The following LRRCC1 variants were observed in gnomAD, a reference collection of about 807,000 sequenced individuals.
LRRCC1 encodes the protein leucine rich repeat and coiled-coil centrosomal protein 1, also known as leucine-rich repeat and coiled-coil domain-containing protein 1.
A neutral mutation model predicts 126.0 loss-of-function variants in LRRCC1; 115 were observed. The ratio of observed to expected loss-of-function variants is 0.91; its 90% CI spans 0.78 to 1.07. LRRCC1 has a LOEUF of 1.07. LRRCC1 is among the 50% of genes least tolerant of loss of function. LRRCC1 has a pLI of 0.00. For missense variants in LRRCC1, 1,172 were observed against 1,175.7 expected (o/e 1.00, Z 0.05); for synonymous variants, 400 against 393.4 (o/e 1.02, Z -0.20).
chr8:85,139,414 A>G lies in LRRCC1; in HGVS notation c.2840+939A>G, dbSNP rs904074776. On this transcript the variant is annotated intron_variant, in intron 17 of 18. Transcript: ENST00000360375. ...CGAGTAGCTGGGATTACAGGCATGC[A>G]CCACAACGCCCAGCTAATTTTTTGT... 7.2e-5 allele frequency among the ~76,000 whole-genome samples: 11 copies of G among 152,046 alleles called. No individual in the cohort carries two copies. In the South Asian group the frequency reaches 1.9e-3, roughly 26 times the overall value.
chr8:85,125,496 A>G (rs1587404264), intron 8 of LRRCC1, among the ~76,000 whole-genome samples: 1 of 148,358 alleles, frequency 6.7e-6, no homozygotes, highest in Non-Finnish European at 1.5e-5. Context: ...AAATGGTGAA[A>G]CCCCGTCTCT....
At chr8:85,118,364 A>G (rs1809274972) in intron 6 of LRRCC1, among the ~76,000 whole-genome samples, 1 of 152,074 alleles carries the variant, frequency 6.6e-6, no homozygotes, top group African/African-American at 2.4e-5. Context: ...TTTTGTAAAC[A>G]TGTATCTTTG....
intron 17 of LRRCC1, among the ~76,000 whole-genome samples, chr8:85,139,166 G>A (rs1431640368): frequency 2.0e-5 from 3 of 152,228 alleles, no homozygotes; most frequent in African/African-American, 7.2e-5. Context: ...GGAATTTAGA[G>A]GAGACTGCCA....
chr8:85,123,965 A>G (rs1295921500), intron 7 of LRRCC1, among the ~76,000 whole-genome samples: 1 of 152,166 alleles, frequency 6.6e-6, no homozygotes, highest in African/African-American at 2.4e-5. Context: ...ATTCCACTGC[A>G]TTCATTTACA....
chr8:85,109,574 A>G (rs1587360066), intron 1 of LRRCC1, 21 bp from the exon 2 acceptor site: 1 of 1,363,714 alleles, frequency 7.3e-7, no homozygotes, highest in Non-Finnish European at 1.0e-6. Context: ...CTATTTTTAT[A>G]GTATATATTT....
intron 18 of LRRCC1, among the ~76,000 whole-genome samples, chr8:85,142,908 C>G (rs554041290): frequency 6.6e-6 from 1 of 151,754 alleles, no homozygotes; most frequent in African/African-American, 2.4e-5. Context: ...CCTCAGGACT[C>G]TGTGCAAAGA....
chr8:85,130,633 T>C (rs542577571), intron 11 of LRRCC1, among the ~76,000 whole-genome samples: 2 of 152,318 alleles, frequency 1.3e-5, no homozygotes, highest in African/African-American at 4.8e-5. Flanking sequence ...AGCTTATTGT[T>C]CATTTCTTCA....
intron 1 of LRRCC1, chr8:85,108,975 G>T (rs1234040143): frequency 6.6e-6 from 1 of 152,200 alleles, no homozygotes; most frequent in East Asian, 1.9e-4. Context: ...AATAGGAATT[G>T]CAATAACATG....
At position 85,145,658 on chromosome 8, in the gene LRRCC1, AGT is replaced by A. The variant is rs1441825014; in HGVS notation, c.*148_*149del. On this transcript the variant is annotated 3_prime_UTR_variant, in exon 19 of 19. Transcript: ENST00000360375. ...ATATATTTTTAAAGACTTTTGATCAAGTATTTATTAATTGTATAGGTTTTTTA... is the reference window on the plus strand; with the variant it reads ...ATATATTTTTAAAGACTTTTGATCAAATTTATTAATTGTATAGGTTTTTTA... The A allele has an allele frequency of 2.4e-3, 1,279 of 531,728 alleles. 14 individuals carry two copies. The highest frequency in any genetic ancestry group is 1.3e-4 in the Non-Finnish European group (48 of 358,666). The allele number at this position is 531,728 out of a possible 1,614,324, so 32.9% of individuals were successfully genotyped here.
rs532734138 is a variant in LRRCC1 at position 85,143,353 on chromosome 8, G to A, written c.2976+1836G>A. Among the ~76,000 whole-genome samples, 141 of 152,034 alleles carry A rather than the reference G, an allele frequency of 9.3e-4. 1 individual carries two copies. Among genetic ancestry groups the A allele is most frequent in the Middle Eastern group, 6.8e-3 (2 of 294 alleles). On this transcript the variant is annotated intron_variant, in intron 18 of 18. Transcript: ENST00000360375. Reference sequence around the variant, plus strand: ...AAAAAAGGCTACCAAATTTAGGCTGGGCATGGAGGCTTACACCTGTAATCC... The same window carrying A: ...AAAAAAGGCTACCAAATTTAGGCTGAGCATGGAGGCTTACACCTGTAATCC...
chr8:85,135,677 A>G (rs1810801272), intron 13 of LRRCC1, 112 bp from the exon 14 acceptor site: 3 of 656,252 alleles, frequency 4.6e-6, no homozygotes, highest in Non-Finnish European at 6.6e-6. Flanking sequence ...AAAATTTGGT[A>G]ATATTTACTT....
intron 1 of LRRCC1, among the ~76,000 whole-genome samples, chr8:85,108,470 G>A (rs1808438739): frequency 6.6e-6 from 1 of 152,092 alleles, no homozygotes; most frequent in South Asian, 2.1e-4. Flanking sequence ...AATTAAGTTC[G>A]GATTCAAACC....
In LRRCC1 at chr8:85,134,965, T is replaced by A. The variant is rs1810746074; in HGVS notation, c.2087T>A (p.Val696Glu). ...TTAATTAAAGATCTGACCTGTATGGTAAAGGAACAAAAAACAAAACTGGCA... is the reference window on the plus strand; with the variant it reads ...TTAATTAAAGATCTGACCTGTATGGAAAAGGAACAAAAAACAAAACTGGCA... ...SSLIKDLTCM[V>E]KEQKTKLAEV... The change falls in exon 13 of 19, where the codon GTA (valine) becomes GAA (glutamate). Residue 696 changes from valine (V) to glutamate (E), a missense_variant. Transcript: ENST00000360375. 1 of 1,569,098 alleles carries A rather than the reference T, an allele frequency of 6.4e-7. No homozygotes were observed.
At chr8:85,109,418 G>T (rs1808516144) in intron 1 of LRRCC1, 177 bp from the exon 2 acceptor site, 3 of 569,052 alleles carry the variant, frequency 5.3e-6, no homozygotes, top group Non-Finnish European at 9.3e-6. Flanking sequence ...AAAATACTTG[G>T]TTGTGTTGTA....
chr8:85,141,350 CAT>C, intron 17 of LRRCC1, 30 bp from the exon 18 acceptor site: 1 of 1,562,178 alleles, frequency 6.4e-7, no homozygotes, highest in Non-Finnish European at 8.8e-7. Context: ...CACATATACA[CAT>C]ATATATGTGG....
At chr8:85,108,986 G>A (rs1346045049) in intron 1 of LRRCC1, 1 of 152,230 alleles carries the variant, frequency 6.6e-6, no homozygotes, top group African/African-American at 2.4e-5. Context: ...CAATAACATG[G>A]TTTGTTTTTG....
At position 85,145,450 on chromosome 8, in the gene LRRCC1, C is replaced by T. The variant is rs770802831; in HGVS notation, c.3038C>T (p.Thr1013Ile). The T allele has an allele frequency of 5.7e-6, 9 of 1,581,790 alleles. No homozygotes were observed. In the Admixed American group the frequency reaches 9.3e-5, roughly 16 times the overall value. Residue 1013 changes from threonine (T) to isoleucine (I), a missense_variant, in exon 19 of 19, where the codon ACA becomes ATA. Transcript: ENST00000360375. ...LLEETCKNKK[T>I]MEAKIKQLAF... ...GAAGAAACATGCAAGAACAAAAAAA[C>T]AATGGAAGCAAAAATTAAGCAACTT...
At chr8:85,109,849 G>C (rs1463343324) in intron 2 of LRRCC1, 49 bp downstream of exon 2, 4 of 998,750 alleles carry the variant, frequency 4.0e-6, no homozygotes, top group Non-Finnish European at 5.8e-6. Context: ...AAATGATTTA[G>C]GTCCATTTTT....
intron 6 of LRRCC1, among the ~76,000 whole-genome samples, chr8:85,117,789 C>G (rs1809237001): frequency 6.6e-6 from 1 of 152,134 alleles, no homozygotes; most frequent in Non-Finnish European, 1.5e-5. Flanking sequence ...TGTCATGTAG[C>G]TATCTATTCG....
Sources: gnomAD v4.1 joint callset for allele counts (sites outside exome capture counted in the v4.1 genomes callset) on GRCh38, gnomAD v4.1.1 for gene constraint, MANE v1.5 for transcripts, NCBI Gene and HGNC (gene_info 2026-07-23, HGNC 2026-07-21) for gene names.